The following PTPRS variants were observed in gnomAD, a reference collection of about 807,000 sequenced individuals.
PTPRS encodes receptor-type tyrosine-protein phosphatase S.
Under a neutral mutation model 215.3 loss-of-function variants are expected in PTPRS, and 63 were observed. The observed-to-expected ratio is 0.29, with a 90% CI of 0.24 to 0.36. PTPRS has a LOEUF of 0.36. Ranked by LOEUF, PTPRS falls within the 10% of genes least tolerant of loss-of-function variation. The pLI is 1.00. For synonymous variants in PTPRS, 1,404 were observed against 1,191.4 expected (o/e 1.18, Z -3.68); for missense variants, 2,258 against 2,825.8 (o/e 0.80, Z 4.56).
intron 1 of PTPRS, among the ~76,000 whole-genome samples, chr19:5,324,246 A>G (rs906367165): frequency 2.0e-5 from 3 of 150,200 alleles, no homozygotes; most frequent in Non-Finnish European, 2.9e-5. Context: ...AAAAAAAAAA[A>G]AAAAAGAAAG....
chr19:5,219,929 C>T lies in PTPRS; in HGVS notation c.3765+10G>A. On this transcript the variant is annotated intron_variant, in intron 22 of 37. Coordinates refer to ENST00000262963, the MANE Select transcript of PTPRS (RefSeq NM_002850.4). ...TGTCTGGATGTGGGCGGACACCATT[C>T]AGGACTTACAGGCTCGCTCTTCTGA... 1 of 1,612,950 alleles carries T rather than the reference C, an allele frequency of 6.2e-7. No individual in the cohort carries two copies. The highest frequency in any genetic ancestry group is 8.5e-7 in the Non-Finnish European group (1 of 1,179,138).
At chr19:5,259,915 C>T (rs1203898757) in intron 7 of PTPRS, among the ~76,000 whole-genome samples, 2 of 152,170 alleles carry the variant, frequency 1.3e-5, no homozygotes, top group East Asian at 1.9e-4. Context: ...GCAGTATCTC[C>T]ATCACTAAGG....
intron 1 of PTPRS, among the ~76,000 whole-genome samples, chr19:5,301,841 G>A (rs1015873016): frequency 1.8e-4 from 28 of 151,956 alleles, no homozygotes; most frequent in East Asian, 5.8e-4. Context: ...AGTGTAGCGC[G>A]GCAATCTCAG....
Position 5,267,335 on chromosome 19 carries a change from C to T in PTPRS, c.380-2139G>A, listed in dbSNP as rs367873460. 4.8e-4 allele frequency among the ~76,000 whole-genome samples: 73 copies of T among 152,222 alleles called. 3 individuals carry two copies. The South Asian group carries it at 0.014, about 28-fold the overall frequency. On this transcript the variant is annotated intron_variant, in intron 4 of 37. Coordinates refer to ENST00000262963, the MANE Select transcript of PTPRS (RefSeq NM_002850.4). ...GTGATGAGGTGAGCCAGCTAAGTGA[C>T]GGGCTGCCTTGCATCCAGGGTGCTC...
chr19:5,214,083 T>C (rs2145121632), intron 30 of PTPRS, among the ~76,000 whole-genome samples: 1 of 152,314 alleles, frequency 6.6e-6, no homozygotes, highest in African/African-American at 2.4e-5. Context: ...AAAGAGGACC[T>C]GGGGCATGAG....
rs770849125 is a variant in PTPRS at position 5,221,149 on chromosome 19, G to A, written c.3306C>T (p.Arg1102=). The A allele has an allele frequency of 1.3e-5, 21 of 1,613,884 alleles. No homozygotes were observed. Among genetic ancestry groups the A allele is most frequent in the South Asian group, 9.9e-5 (9 of 91,072 alleles). ...HTFYNFVLTN[R]GSSLGGLQQT... ...GCTGGAGGCCGCCCAGGCTGCTGCCGCGATTGGTCAGCACAAAGTTGTAGA... is the reference window on the plus strand; with the variant it reads ...GCTGGAGGCCGCCCAGGCTGCTGCCACGATTGGTCAGCACAAAGTTGTAGA... Residue 1102 remains arginine (R), a synonymous_variant, in exon 20 of 38, where the codon CGC becomes CGT. Coordinates refer to ENST00000262963, the MANE Select transcript of PTPRS (RefSeq NM_002850.4).
At chr19:5,224,784 G>C (rs1021310257) in intron 17 of PTPRS, among the ~76,000 whole-genome samples, 1 of 152,198 alleles carries the variant, frequency 6.6e-6, no homozygotes. Flanking sequence ...GGTGGCGTTA[G>C]AGCTGGATGC....
chr19:5,214,336 C>T (rs953436260), intron 30 of PTPRS, 25 bp downstream of exon 30: 5 of 1,613,654 alleles, frequency 3.1e-6, no homozygotes, highest in Admixed American at 1.7e-5. Flanking sequence ...CCACCCTCAG[C>T]CCCCAGCCCC....
At chr19:5,253,765 A>C (rs942889742) in intron 9 of PTPRS, among the ~76,000 whole-genome samples, 2 of 152,240 alleles carry the variant, frequency 1.3e-5, no homozygotes, top group Admixed American at 6.5e-5. Context: ...TGTGAAGTAC[A>C]TAACAGGGAA....
At chr19:5,226,577 C>CAAAA (rs537275736) in intron 16 of PTPRS, among the ~76,000 whole-genome samples, 1 of 106,358 alleles carries the variant, frequency 9.4e-6, no homozygotes. Context: ...CTAAAAATAC[C>CAAAA]AAAAAAAAAA....
chr19:5,216,745 G>C lies in PTPRS; in HGVS notation c.4071C>G (p.Leu1357=), dbSNP rs756672006. The stretch of plus-strand genomic sequence containing the variant: ...TTTCAAAGTGAAACCCCGGCTCCCT[G>C]AGGGGGCTCCTGAGGCCTGAATCTG... ...QTPDSGLRSP[L]REPGFHFESM... is the part of the protein sequence containing the mutation. Residue 1357 remains leucine (L), a synonymous_variant, in exon 26 of 38, where the codon CTC becomes CTG. Transcript: ENST00000262963. 10 of 1,578,624 alleles carry C rather than the reference G, an allele frequency of 6.3e-6. No individual in the cohort carries two copies. The highest frequency in any genetic ancestry group is 8.6e-6 in the Non-Finnish European group (10 of 1,161,432).
rs534204371 is a variant in PTPRS, at chr19:5,237,546, G to A, written c.1849+1373C>T. ...GTGGATGTGCGTGCGTGGGCAGCGT[G>A]GCATGGTGGTGGCACGTGGTTTGGG... On this transcript the variant is annotated intron_variant, in intron 13 of 37. Transcript: ENST00000262963. This position sits in a 1 kb window ranked among gnomAD's most constrained non-coding sequence, Gnocchi z 4.2. Among the ~76,000 whole-genome samples, 1 of 152,372 alleles carries A rather than the reference G, an allele frequency of 6.6e-6. No individual in the cohort carries two copies. The highest frequency in any genetic ancestry group is 1.9e-4 in the East Asian group (1 of 5,184).
At chr19:5,207,847 C>A in intron 37 of PTPRS, 75 bp downstream of exon 37, 1 of 1,574,504 alleles carries the variant, frequency 6.4e-7, no homozygotes, top group East Asian at 2.2e-5. Context: ...ACCCATCTCA[C>A]AGAGGAGGAA....
At chr19:5,308,475 C>T (rs1027849142) in intron 1 of PTPRS, among the ~76,000 whole-genome samples, 3 of 152,172 alleles carry the variant, frequency 2.0e-5, no homozygotes, top group Admixed American at 6.5e-5. Context: ...TACATCCACA[C>T]GGAAGAGAGG....
chr19:5,238,841 G>A, intron 13 of PTPRS, 78 bp downstream of exon 13: 1 of 1,465,250 alleles, frequency 6.8e-7, no homozygotes, highest in Non-Finnish European at 8.9e-7. Flanking sequence ...GCCCCGCCTG[G>A]GTCCGTCTGC....
intron 1 of PTPRS, among the ~76,000 whole-genome samples, chr19:5,336,921 T>C (rs931720163): frequency 1.6e-4 from 25 of 152,126 alleles, no homozygotes; most frequent in Non-Finnish European, 4.4e-5. Flanking sequence ...CTCATCCTCC[T>C]TGCAAATTCT....
intron 2 of PTPRS, among the ~76,000 whole-genome samples, chr19:5,284,852 G>C (rs1039839322): frequency 6.6e-6 from 1 of 152,128 alleles, no homozygotes; most frequent in Admixed American, 6.5e-5. Context: ...GGAGGCTGAG[G>C]TGGGAGGATT....
intron 6 of PTPRS, among the ~76,000 whole-genome samples, chr19:5,262,358 G>A (rs537571037): frequency 6.2e-4 from 95 of 152,312 alleles, no homozygotes; most frequent in African/African-American, 2.2e-3. Context: ...GCCATTAAAA[G>A]GTGTTCCGCC....
chr19:5,284,551 G>A (rs2146847408), intron 2 of PTPRS, among the ~76,000 whole-genome samples: 1 of 152,230 alleles, frequency 6.6e-6, no homozygotes, highest in African/African-American at 2.4e-5. Context: ...GTGCAGCGGT[G>A]CAATCAGTTT....
Sources: allele counts gnomAD v4.1 joint callset (sites outside exome capture counted in the v4.1 genomes callset), GRCh38; gene constraint gnomAD v4.1.1; non-coding constraint Gnocchi (gnomAD v3.1); transcripts MANE v1.5; gene names NCBI Gene and HGNC (gene_info 2026-07-23, HGNC 2026-07-21).